CPNE8: variants seen among roughly 807,000 people sequenced by gnomAD.
The protein encoded by CPNE8 is copine-8.
In CPNE8, 45 loss-of-function variants were observed where a neutral mutation model predicts 81.5. That is an observed-to-expected ratio of 0.55 (90% CI 0.44 to 0.71). The LOEUF (loss-of-function observed/expected upper bound fraction) is 0.71, where lower values mean the gene tolerates loss of function less well. Ranked by LOEUF, CPNE8 falls within the 30% of genes least tolerant of loss-of-function variation. The pLI is 0.00. For missense variants in CPNE8, 594 were observed against 672.1 expected, an observed-to-expected ratio of 0.88 and a Z score of 1.28; for synonymous variants, 252 against 226.3, an observed-to-expected ratio of 1.11 and a Z score of -1.02.
chr12:38,818,702 C>T (rs1004133323), intron 6 of CPNE8, among the ~76,000 whole-genome samples: 1 of 152,154 alleles, frequency 6.6e-6, no homozygotes, highest in Non-Finnish European at 1.5e-5. Context: ...TTTTAGGAAT[C>T]CCCACACTGT....
intron 6 of CPNE8, among the ~76,000 whole-genome samples, chr12:38,810,279 C>T (rs1942907372): frequency 6.6e-6 from 1 of 152,198 alleles, no homozygotes; most frequent in Non-Finnish European, 1.5e-5. Flanking sequence ...TTAGATAATA[C>T]TATCTCTATT....
intron 3 of CPNE8, among the ~76,000 whole-genome samples, chr12:38,870,566 C>T (rs1943976889): frequency 6.6e-6 from 1 of 152,122 alleles, no homozygotes; most frequent in South Asian, 2.1e-4. Context: ...ACCACATGGT[C>T]TCCCTCATAA....
intron 10 of CPNE8, among the ~76,000 whole-genome samples, chr12:38,741,293 T>C (rs968946152): frequency 6.6e-6 from 1 of 152,156 alleles, no homozygotes; most frequent in Non-Finnish European, 1.5e-5. Context: ...ACTACAAGGC[T>C]ACAGTCACCA....
chr12:38,865,706 G>A (rs1323939235), intron 3 of CPNE8, among the ~76,000 whole-genome samples: 1 of 152,056 alleles, frequency 6.6e-6, no homozygotes, highest in Non-Finnish European at 1.5e-5. Flanking sequence ...CTAATTCATT[G>A]TGCTGTATAA....
chr12:38,721,431 T>C (rs961134039), intron 13 of CPNE8, among the ~76,000 whole-genome samples: 1 of 152,058 alleles, frequency 6.6e-6, no homozygotes, highest in Non-Finnish European at 1.5e-5. Context: ...GTCCCCTCTC[T>C]GCTAGGAGCT....
chr12:38,844,653 G>A (rs1295637261), intron 4 of CPNE8, among the ~76,000 whole-genome samples: 1 of 152,180 alleles, frequency 6.6e-6, no homozygotes, highest in East Asian at 1.9e-4. Context: ...GTACTTATAA[G>A]AATTTGGGTC....
intron 10 of CPNE8, 50 bp downstream of exon 10, chr12:38,760,797 C>T (rs193277886): frequency 1.5e-4 from 210 of 1,385,934 alleles, no homozygotes; most frequent in Non-Finnish European, 2.1e-4. Context: ...AATGTATGTG[C>T]CTCTTAAAGT....
intron 6 of CPNE8, among the ~76,000 whole-genome samples, chr12:38,778,168 C>T (rs181200610): frequency 5.9e-5 from 9 of 152,068 alleles, no homozygotes; most frequent in South Asian, 2.1e-4. Context: ...TGAATCATCC[C>T]GAAACTACCC....
rs532699624 is a variant in CPNE8, at chr12:38,801,002, C to T, written c.408-24701G>A. ...AGCAAAGCCTCCAAGAAATATGGGA[C>T]TACGTGAAAAGACCACATCTACGTC... On this transcript the variant is annotated intron_variant, in intron 6 of 19. Transcript: ENST00000331366. Among the ~76,000 whole-genome samples, 285 of 150,462 alleles carry T rather than the reference C, an allele frequency of 1.9e-3. 4 individuals are homozygous for T. The highest frequency in any genetic ancestry group is 6.7e-3 in the African/African-American group (275 of 40,792).
intron 6 of CPNE8, among the ~76,000 whole-genome samples, chr12:38,809,756 C>T (rs1216800086): frequency 1.3e-5 from 2 of 152,160 alleles, no homozygotes; most frequent in Non-Finnish European, 2.9e-5. Flanking sequence ...ATCTCATCAT[C>T]TAAATCCTTT....
intron 11 of CPNE8, among the ~76,000 whole-genome samples, chr12:38,729,522 T>C (rs755314491): frequency 6.6e-6 from 1 of 152,002 alleles, no homozygotes; most frequent in Non-Finnish European, 1.5e-5. Flanking sequence ...AAAAATTGTT[T>C]TGTGAATGAA....
chr12:38,839,793 A>ATTT (rs756569278), intron 5 of CPNE8, 123 bp downstream of exon 5: 1 of 921,752 alleles, frequency 1.1e-6, no homozygotes, highest in Non-Finnish European at 1.5e-6. Context: ...AATGTTACTT[A>ATTT]TTTTCTATGA....
intron 1 of CPNE8, among the ~76,000 whole-genome samples, chr12:38,878,032 C>T (rs1196950719): frequency 6.6e-6 from 1 of 152,190 alleles, no homozygotes; most frequent in Non-Finnish European, 1.5e-5. Flanking sequence ...CTCACTGCTA[C>T]ACTCCCACCC....
chr12:38,781,259 G>T (rs1385031026), intron 6 of CPNE8, among the ~76,000 whole-genome samples: 1 of 151,992 alleles, frequency 6.6e-6, no homozygotes, highest in South Asian at 2.1e-4. Flanking sequence ...TGGGGCAGAT[G>T]AGGATCACTA....
chr12:38,847,236 AG>A (rs1943573160), intron 4 of CPNE8, among the ~76,000 whole-genome samples: 1 of 152,168 alleles, frequency 6.6e-6, no homozygotes, highest in South Asian at 2.1e-4. Flanking sequence ...AGAAAAAGAA[AG>A]GAAAAAACAA....
chr12:38,683,534 C>A (rs372934075), intron 16 of CPNE8, among the ~76,000 whole-genome samples: 6 of 152,072 alleles, frequency 3.9e-5, no homozygotes, highest in African/African-American at 1.4e-4. Context: ...AAAAATAGTA[C>A]CTCGTCTGCT....
intron 19 of CPNE8, among the ~76,000 whole-genome samples, chr12:38,669,681 AAC>A (rs1939131575): frequency 6.6e-6 from 1 of 152,196 alleles, no homozygotes; most frequent in East Asian, 1.9e-4. Flanking sequence ...CAGACAGTAA[AAC>A]ACAGATAAGA....
rs1000505645 is a variant in CPNE8 at position 38,724,362 on chromosome 12, T to C, written c.852+484A>G. On this transcript the variant is annotated intron_variant, in intron 12 of 19. Transcript: ENST00000331366. ...TATTTTTTCTTAAAATAGGATGATA[T>C]TGATTTTTTTTATATTTTTTGATAC... Among the ~76,000 whole-genome samples the C allele has an allele frequency of 2.0e-3, 12 of 6,136 alleles. No homozygotes were observed. In the Non-Finnish European group the frequency reaches 0.067, roughly 34 times the overall value. The allele number at this position is 6,136 out of a possible 152,430, so 4.0% of individuals were successfully genotyped here.
chr12:38,806,955 C>T (rs1470918506), intron 6 of CPNE8, among the ~76,000 whole-genome samples: 2 of 150,180 alleles, frequency 1.3e-5, no homozygotes, highest in South Asian at 2.1e-4. Context: ...TACACACCAA[C>T]AACAGACAAA....
Sources: gnomAD v4.1 joint callset for allele counts (sites outside exome capture counted in the v4.1 genomes callset) on GRCh38, gnomAD v4.1.1 for gene constraint, MANE v1.5 for transcripts, NCBI Gene and HGNC (gene_info 2026-07-23, HGNC 2026-07-21) for gene names.